Variants in NRK observed in about 807,000 individuals in gnomAD.
NRK encodes the protein Nik related kinase.
In NRK, 67 loss-of-function variants were observed where a neutral mutation model predicts 125.2. The observed-to-expected ratio is 0.54, with a 90% confidence interval of 0.44 to 0.66. NRK has a LOEUF of 0.66. Among genes scored for constraint, NRK ranks in the 30% least tolerant of loss-of-function variants. NRK has a pLI of 0.00. For synonymous variants in NRK, 458 were observed against 429.0 expected (o/e 1.07, Z -0.84); for missense variants, 1,224 against 1,192.9 (o/e 1.03, Z -0.38).
chrX:105,911,849 G>A lies in NRK; in HGVS notation c.2242-799G>A, dbSNP rs762043514. On this transcript the variant is annotated intron_variant, in intron 13 of 28. Transcript: ENST00000243300. ...GATACCAGCATGGCACACACTTATT[G>A]TCATTTATTGTTTTAAACATATATG... 1.9e-4 allele frequency among the ~76,000 whole-genome samples: 21 copies of A among 111,629 alleles called. No homozygotes were observed. In the South Asian group the frequency reaches 7.8e-3, roughly 41 times the overall value.
At chrX:105,824,840 A>G (rs778937958) in intron 1 of NRK, among the ~76,000 whole-genome samples, 2 of 111,551 alleles carry the variant, frequency 1.8e-5, no homozygotes, top group East Asian at 5.7e-4. Context: ...GCGAGAAGAT[A>G]CAAAACTTCA....
chrX:105,868,969 A>C (rs2039707671), intron 2 of NRK, among the ~76,000 whole-genome samples: 1 of 110,993 alleles, frequency 9.0e-6, no homozygotes, highest in Non-Finnish European at 1.9e-5. Flanking sequence ...TCGTAATTAA[A>C]AAAAACACAC....
intron 2 of NRK, among the ~76,000 whole-genome samples, chrX:105,833,354 A>G (rs1348417985): frequency 9.0e-6 from 1 of 111,205 alleles, no homozygotes; most frequent in African/African-American, 3.3e-5. Flanking sequence ...AGATACCTAC[A>G]TCTTATACAT....
chrX:105,923,903 ATATATATATATATATATATATATG>A (rs1424649131), intron 18 of NRK, among the ~76,000 whole-genome samples: 1 of 85,420 alleles, frequency 1.2e-5, no homozygotes, highest in Non-Finnish European at 2.2e-5. Flanking sequence ...ATATATATAT[ATATATATATATATATATATATATG>A]TGAAATTTAA....
At chrX:105,933,409 A>G (rs1180079820) in intron 19 of NRK, among the ~76,000 whole-genome samples, 2 of 112,076 alleles carry the variant, frequency 1.8e-5, no homozygotes, top group African/African-American at 3.2e-5. Context: ...TCTTTTGCAG[A>G]ATAGCACAGC....
At position 105,902,297 on chromosome X, in the gene NRK, G is replaced by A. The variant is rs757386540; in HGVS notation, c.766+1625G>A. Among the ~76,000 whole-genome samples, 5 of 111,297 alleles carry A rather than the reference G, an allele frequency of 4.5e-5. No individual in the cohort carries two copies. The East Asian group carries it at 1.1e-3, about 25-fold the overall frequency. On this transcript the variant is annotated intron_variant, in intron 9 of 28. Coordinates refer to ENST00000243300, the MANE Select transcript of NRK (RefSeq NM_198465.4). ...AAATAGGGCTGGCCTGCCTGGGTCA[G>A]TAATTGGAGTAATACAACTTTGGTC...
At chrX:105,833,695 GATATA>G (rs1463472574) in intron 2 of NRK, among the ~76,000 whole-genome samples, 2 of 111,381 alleles carry the variant, frequency 1.8e-5, no homozygotes, top group East Asian at 2.8e-4. Flanking sequence ...GGTTTATTGG[GATATA>G]ATATATATTT....
At chrX:105,862,984 T>C (rs986789480) in intron 2 of NRK, among the ~76,000 whole-genome samples, 1 of 112,321 alleles carries the variant, frequency 8.9e-6, no homozygotes, top group Admixed American at 9.5e-5. Context: ...AGAGAAGTTA[T>C]GTACTATTTA....
chrX:105,823,307 C>T (rs1327251291), intron 1 of NRK, among the ~76,000 whole-genome samples: 1 of 112,139 alleles, frequency 8.9e-6, no homozygotes, highest in Non-Finnish European at 1.9e-5. Context: ...CCTGTTATCC[C>T]GCCGCCCCAT....
intron 2 of NRK, among the ~76,000 whole-genome samples, chrX:105,875,596 G>A (rs998298914): frequency 6.8e-4 from 75 of 110,942 alleles, no homozygotes; most frequent in Middle Eastern, 4.7e-3. Flanking sequence ...GTACCCGGAA[G>A]TATTTTGAAT....
chrX:105,831,140 T>TA, intron 2 of NRK, 21 bp downstream of exon 2: 1 of 957,872 alleles, frequency 1.0e-6, no homozygotes, highest in Non-Finnish European at 1.5e-6. Context: ...TTACATTATT[T>TA]ATTCATTCTT....
chrX:105,844,486 T>C (rs1229119669), intron 2 of NRK, among the ~76,000 whole-genome samples: 1 of 112,304 alleles, frequency 8.9e-6, no homozygotes, highest in African/African-American at 3.2e-5. Context: ...ATGAATCTTT[T>C]ACATTACATC....
At chrX:105,875,017 T>G (rs760788505) in intron 2 of NRK, among the ~76,000 whole-genome samples, 1 of 111,544 alleles carries the variant, frequency 9.0e-6, no homozygotes, top group East Asian at 2.9e-4. Flanking sequence ...ATCAGGGAAG[T>G]TTTTTAGGAC....
chrX:105,828,486 C>T (rs147866661), intron 1 of NRK, among the ~76,000 whole-genome samples: 1,751 of 111,641 alleles, frequency 0.016, 36 homozygotes, highest in African/African-American at 0.054. Flanking sequence ...TAAGACTGTG[C>T]TCAAAGATTC....
intron 2 of NRK, among the ~76,000 whole-genome samples, chrX:105,844,659 C>T (rs954001154): frequency 9.0e-6 from 1 of 111,504 alleles, no homozygotes; most frequent in African/African-American, 3.3e-5. Context: ...CCCATTTCCT[C>T]TCCTTTTTTG....
intron 2 of NRK, among the ~76,000 whole-genome samples, chrX:105,833,295 G>A (rs1168813579): frequency 1.8e-5 from 2 of 111,501 alleles, no homozygotes; most frequent in Non-Finnish European, 1.9e-5. Flanking sequence ...TGTACTGAAT[G>A]ATTATTTAAT....
At chrX:105,833,780 A>G (rs924842211) in intron 2 of NRK, among the ~76,000 whole-genome samples, 29 of 111,465 alleles carry the variant, frequency 2.6e-4, no homozygotes, top group Admixed American at 2.5e-3. Flanking sequence ...TATAACTGCC[A>G]CCACAATCAA....
intron 2 of NRK, among the ~76,000 whole-genome samples, chrX:105,854,217 T>C (rs772519091): frequency 1.8e-4 from 20 of 112,158 alleles, no homozygotes; most frequent in Admixed American, 1.6e-3. Context: ...AGAATTTACG[T>C]AGTGAGATAC....
Position 105,919,563 on chromosome X carries a change from G to A in NRK, c.2512+1891G>A, listed in dbSNP as rs760524319. On this transcript the variant is annotated intron_variant, in intron 16 of 28. Coordinates refer to ENST00000243300, the MANE Select transcript of NRK (RefSeq NM_198465.4). ...TAGTCATGGGTGACTAATGACCACT[G>A]TTAATGGACAGTTCAGATACAGAAG... Among the ~76,000 whole-genome samples the A allele has an allele frequency of 8.1e-5, 9 of 111,747 alleles. No individual in the cohort carries two copies. In the South Asian group the frequency reaches 3.3e-3, roughly 41 times the overall value.
Sources: gnomAD v4.1 joint callset for allele counts (sites outside exome capture counted in the v4.1 genomes callset) on GRCh38, gnomAD v4.1.1 for gene constraint, MANE v1.5 for transcripts, NCBI Gene and HGNC (gene_info 2026-07-23, HGNC 2026-07-21) for gene names.